Variants in TOP1 observed in about 807,000 individuals in gnomAD.
TOP1 encodes the protein DNA topoisomerase 1.
TOP1 carries 10 observed loss-of-function variants against 111.1 expected under a neutral mutation model. The ratio of observed to expected loss-of-function variants is 0.09; its 90% confidence interval spans 0.06 to 0.15. The LOEUF is 0.15. Among genes scored for constraint, TOP1 ranks in the 10% least tolerant of loss-of-function variants. The pLI is 1.00. For synonymous variants in TOP1, 271 were observed against 302.9 expected (o/e 0.89, Z 1.10); for missense variants, 474 against 926.7 (o/e 0.51, Z 6.34).
rs896027363 is a variant in TOP1 at position 41,092,024 on chromosome 20, C to T, written c.615-448C>T. The stretch of plus-strand genomic sequence containing the variant: ...CCCAGTTAAGCTATCATTTCCTAGT[C>T]GTCTTCCTTTATGTCCTTTCTCATA... On this transcript the variant is annotated intron_variant, in intron 8 of 20. Transcript: ENST00000361337. This position sits in a 1 kb window ranked among gnomAD's most constrained non-coding sequence, Gnocchi z 4.3. Among the ~76,000 whole-genome samples the T allele has an allele frequency of 7.2e-5, 11 of 152,154 alleles. No homozygotes were observed. The highest frequency in any genetic ancestry group is 1.9e-4 in the African/African-American group (8 of 41,434).
chr20:41,108,070 AT>A (rs2034176002), intron 13 of TOP1, among the ~76,000 whole-genome samples: 2 of 152,204 alleles, frequency 1.3e-5, no homozygotes, highest in South Asian at 4.1e-4. Flanking sequence ...AATAACAGAT[AT>A]GTTTTTGTAA....
chr20:41,095,043 TA>T lies in TOP1; in HGVS notation c.731-2174del, dbSNP rs200289232. ...AAACAGCCCAAAATCTCATTTTTTT[TA>T]AATTTATTTTTATATTTATTTATTT... On this transcript the variant is annotated intron_variant, in intron 9 of 20. Transcript: ENST00000361337. The surrounding 1 kb of genome is among the most constrained non-coding windows in gnomAD (Gnocchi z 4.6). Among the ~76,000 whole-genome samples, 243 of 152,010 alleles carry T rather than the reference TA, an allele frequency of 1.6e-3. No individual in the cohort carries two copies. The highest frequency in any genetic ancestry group is 5.7e-3 in the African/African-American group (237 of 41,450).
intron 2 of TOP1, among the ~76,000 whole-genome samples, chr20:41,043,996 GC>G (rs2033300566): frequency 6.6e-6 from 1 of 152,242 alleles, no homozygotes; most frequent in Non-Finnish European, 1.5e-5. Context: ...CAAGTGCCCA[GC>G]CGGGCGTGGT....
At chr20:41,066,557 CT>C (rs776922601) in intron 3 of TOP1, among the ~76,000 whole-genome samples, 254 of 129,374 alleles carry the variant, frequency 2.0e-3, no homozygotes, top group African/African-American at 4.4e-3. Context: ...CTTTTCTTTT[CT>C]TTTTTTTTTT....
intron 17 of TOP1, among the ~76,000 whole-genome samples, chr20:41,117,306 G>C (rs1354912798): frequency 1.3e-5 from 2 of 151,510 alleles, no homozygotes; most frequent in Non-Finnish European, 2.9e-5. Flanking sequence ...CCGCACTCCA[G>C]CTTGGGTGAC....
chr20:41,068,212 C>T (rs1241915667), intron 3 of TOP1, among the ~76,000 whole-genome samples: 6 of 152,280 alleles, frequency 3.9e-5, no homozygotes, highest in Middle Eastern at 3.4e-3. Flanking sequence ...TCCCCAAATC[C>T]CTGAAATCTT....
chr20:41,088,001 T>G (rs1351977911), intron 8 of TOP1, among the ~76,000 whole-genome samples: 1 of 152,352 alleles, frequency 6.6e-6, no homozygotes, highest in East Asian at 1.9e-4. Context: ...CAGAACTGTT[T>G]GCTTTTATTT....
intron 8 of TOP1, 78 bp downstream of exon 8, chr20:41,084,646 A>G: frequency 1.3e-6 from 1 of 791,836 alleles, no homozygotes; most frequent in Admixed American, 3.1e-5. Context: ...GAGTTATTAA[A>G]ATTAATATCC....
At chr20:41,075,465 C>G (rs1271910061) in intron 3 of TOP1, among the ~76,000 whole-genome samples, 1 of 152,214 alleles carries the variant, frequency 6.6e-6, no homozygotes, top group Non-Finnish European at 1.5e-5. Flanking sequence ...GCCACCGCGC[C>G]CAGCCCAAAA....
chr20:41,086,022 G>A (rs1045792230), intron 8 of TOP1, among the ~76,000 whole-genome samples: 1 of 152,160 alleles, frequency 6.6e-6, no homozygotes, highest in Non-Finnish European at 1.5e-5. Flanking sequence ...CAGCACTTTG[G>A]GAGGCCGAGG....
intron 8 of TOP1, among the ~76,000 whole-genome samples, chr20:41,086,722 G>T (rs1261297823): frequency 6.6e-6 from 1 of 152,150 alleles, no homozygotes; most frequent in East Asian, 1.9e-4. Flanking sequence ...TCTTATTTTG[G>T]GTTAAAGGGG....
chr20:41,084,079 G>A (rs1269984880), intron 7 of TOP1, among the ~76,000 whole-genome samples: 7 of 151,996 alleles, frequency 4.6e-5, no homozygotes, highest in African/African-American at 1.2e-4. Flanking sequence ...CCGTCTAGCC[G>A]TTATTTGATT....
intron 14 of TOP1, among the ~76,000 whole-genome samples, chr20:41,113,217 AGAG>A (rs1382054898): frequency 6.6e-6 from 1 of 152,222 alleles, no homozygotes; most frequent in Non-Finnish European, 1.5e-5. Context: ...ACCACGCTCT[AGAG>A]GAGATCAATT....
At chr20:41,049,203 G>GT (rs1225138546) in intron 2 of TOP1, among the ~76,000 whole-genome samples, 3 of 152,184 alleles carry the variant, frequency 2.0e-5, no homozygotes, top group Non-Finnish European at 4.4e-5. Flanking sequence ...AGCTGCTGAT[G>GT]TTTAAGAACC....
chr20:41,055,872 C>G (rs1250760634), intron 2 of TOP1, among the ~76,000 whole-genome samples: 3 of 152,312 alleles, frequency 2.0e-5, no homozygotes, highest in South Asian at 4.1e-4. Context: ...CAAACCCTCT[C>G]TTGGAACTAG....
In TOP1 at chr20:41,109,728, CTAAT is replaced by C. The variant is rs1048076861; in HGVS notation, c.1309-3051_1309-3048del. Among the ~76,000 whole-genome samples the C allele has an allele frequency of 4.1e-4, 62 of 152,122 alleles. No homozygotes were observed. Among genetic ancestry groups the C allele is most frequent in the African/African-American group, 1.4e-3 (56 of 41,424 alleles). ...GCAAATGAAAGAGTGCTCGACATCA[CTAAT>C]TATCAGTGGAGTGAAGATTTAACCA... On this transcript the variant is annotated intron_variant, in intron 13 of 20. Transcript: ENST00000361337. The surrounding 1 kb of genome is among the most constrained non-coding windows in gnomAD (Gnocchi z 4.1).
rs202064792 is a variant in TOP1 at position 41,112,958 on chromosome 20, G to C, written c.1452+33G>C. ...CATCTTCCCATCGGCATTGTCTAGT[G>C]TTGAGCTTAACAAAGGGAGTTTCTG... On this transcript the variant is annotated intron_variant, in intron 14 of 20. Coordinates refer to ENST00000361337, the MANE Select transcript of TOP1 (RefSeq NM_003286.4). The surrounding 1 kb of genome is among the most constrained non-coding windows in gnomAD (Gnocchi z 5.8). 8.7e-6 allele frequency: 14 copies of C among 1,604,160 alleles called. No individual in the cohort carries two copies. In the South Asian group the frequency reaches 1.6e-4, roughly 18 times the overall value.
At position 41,114,636 on chromosome 20, in the gene TOP1, G is replaced by A. The variant is rs1191546650; in HGVS notation, c.1638+481G>A. 6.6e-6 allele frequency among the ~76,000 whole-genome samples: 1 copy of A among 152,138 alleles called. No homozygotes were observed. The highest frequency in any genetic ancestry group is 2.4e-5 in the African/African-American group (1 of 41,418). ...ATTTAACTATATCTTAGTATCCCCT[G>A]GTCATGTGGTACATTTGTCACTTTT... On this transcript the variant is annotated intron_variant, in intron 15 of 20. Transcript: ENST00000361337. This position sits in a 1 kb window ranked among gnomAD's most constrained non-coding sequence, Gnocchi z 4.5.
chr20:41,073,197 G>T, intron 3 of TOP1: 1 of 985,354 alleles, frequency 1.0e-6, no homozygotes, highest in Non-Finnish European at 1.2e-6. Context: ...AGGTACCTAT[G>T]TTGTGATTGC....
Sources: gnomAD v4.1 joint callset for allele counts (sites outside exome capture counted in the v4.1 genomes callset) on GRCh38, gnomAD v4.1.1 for gene constraint, Gnocchi (gnomAD v3.1) non-coding constraint, MANE v1.5 for transcripts, NCBI Gene and HGNC (gene_info 2026-07-23, HGNC 2026-07-21) for gene names.